Variants in KCNQ1OT1 observed in about 807,000 individuals in gnomAD.
KCNQ1OT1 encodes the protein KCNQ1 opposite strand/antisense transcript 1.
Position 2,687,650 on chromosome 11 carries a change from C to T in KCNQ1OT1, n.12345G>A. 2.5e-6 allele frequency: 1 copy of T among 398,652 alleles called. No homozygotes were observed. The highest frequency in any genetic ancestry group is 4.4e-6 in the Non-Finnish European group (1 of 226,126). The allele number at this position is 398,652 out of a possible 1,614,324, so 24.7% of individuals were successfully genotyped here. A position where few individuals can be genotyped will look rare whatever the true frequency, so the allele number is the denominator to read the frequency against. ...TCTCAGGCCCCTGTAAAAATTGGGA[C>T]CTGTCCTTGCCAGCCAGGTCTCAGG... On this transcript the variant is annotated non_coding_transcript_exon_variant, in exon 1 of 1. Transcript: ENST00000597346. This position sits in a 1 kb window ranked among gnomAD's most constrained non-coding sequence, Gnocchi z 5.0.
At chr11:2,630,703 A>G in exon 1 of KCNQ1OT1, 1 of 398,400 alleles carries the variant, frequency 2.5e-6, no homozygotes, top group South Asian at 1.3e-4. Flanking sequence ...TTTTCATGTT[A>G]CTAATTATCA....
chr11:2,667,744 G>A lies in KCNQ1OT1; in HGVS notation n.32251C>T, dbSNP rs760283571. 1.0e-5 allele frequency: 4 copies of A among 398,640 alleles called. No homozygotes were observed. The East Asian group carries it at 1.1e-4, about 11-fold the overall frequency. 24.7% of individuals were successfully genotyped at this position (398,640 alleles called of 1,614,324 possible). On this transcript the variant is annotated non_coding_transcript_exon_variant, in exon 1 of 1. Coordinates refer to ENST00000597346, the Ensembl canonical transcript of KCNQ1OT1. ...GTCCCCTTAAGTGAGGGAGTGGGAT[G>A]GGGCTGGGCCTAGCGGCCCTGAAGG...
exon 1 of KCNQ1OT1, chr11:2,641,277 CA>C (rs1331736933): frequency 2.5e-6 from 1 of 398,326 alleles, no homozygotes; most frequent in East Asian, 3.6e-5. Flanking sequence ...TTCCCACCAA[CA>C]GTGTATAAGA....
chr11:2,644,262 T>C (rs1191615793), exon 1 of KCNQ1OT1: 2 of 398,418 alleles, frequency 5.0e-6, no homozygotes, highest in South Asian at 2.5e-4. Flanking sequence ...ACATAGCCTT[T>C]GTTCATTCTT....
exon 1 of KCNQ1OT1, chr11:2,684,055 T>C (rs949038502): frequency 1.3e-5 from 5 of 398,430 alleles, no homozygotes; most frequent in East Asian, 3.6e-5. Context: ...TATCAAGACA[T>C]TGTTTAGAGT....
chr11:2,678,413 C>G lies in KCNQ1OT1; in HGVS notation n.21582G>C, dbSNP rs938915543. The G allele has an allele frequency of 5.0e-6, 2 of 398,456 alleles. No homozygotes were observed. The highest frequency in any genetic ancestry group is 4.1e-5 in the African/African-American group (2 of 48,620). 24.7% of individuals were successfully genotyped at this position (398,456 alleles called of 1,614,324 possible). On this transcript the variant is annotated non_coding_transcript_exon_variant, in exon 1 of 1. Coordinates refer to ENST00000597346, the Ensembl canonical transcript of KCNQ1OT1. The surrounding 1 kb of genome is among the most constrained non-coding windows in gnomAD (Gnocchi z 4.9). ...CATATATTTGTCCAGTTGTCCAACA[C>G]TATTTATTTGAGTACATCATCATCT... is the stretch of plus-strand genomic sequence containing the variant.
exon 1 of KCNQ1OT1, chr11:2,655,414 T>G: frequency 2.5e-6 from 1 of 398,632 alleles, no homozygotes; most frequent in Non-Finnish European, 4.4e-6. Flanking sequence ...GTGCTCTTTG[T>G]CCCCAGGGCC....
Position 2,611,297 on chromosome 11 carries a change from G to T in KCNQ1OT1, n.88698C>A. The T allele has an allele frequency of 2.5e-6, 1 of 397,338 alleles. No homozygotes were observed. The highest frequency in any genetic ancestry group is 4.4e-6 in the Non-Finnish European group (1 of 225,858). 24.6% of individuals were successfully genotyped at this position (397,338 alleles called of 1,614,324 possible). A position where few individuals can be genotyped will look rare whatever the true frequency, so the allele number is the denominator to read the frequency against. On this transcript the variant is annotated non_coding_transcript_exon_variant, in exon 1 of 1. Transcript: ENST00000597346. This position sits in a 1 kb window ranked among gnomAD's most constrained non-coding sequence, Gnocchi z 5.3. ...TGCAGTGGCGTGACCTTGGCTCACT[G>T]CAACCTCTGCCTCCCGGATTCAAGC...
rs926251336 is a variant in KCNQ1OT1, at chr11:2,608,644, T to A, written n.91351A>T. On this transcript the variant is annotated non_coding_transcript_exon_variant, in exon 1 of 1. Transcript: ENST00000597346. The surrounding 1 kb of genome is among the most constrained non-coding windows in gnomAD (Gnocchi z 4.6). ...ACCAGCTGTTATTCAAAAAATATTT[T>A]GTAGAGATAGGGTCTTGCTTTGTTG... 2 of 398,446 alleles carry A rather than the reference T, an allele frequency of 5.0e-6. No homozygotes were observed. The highest frequency in any genetic ancestry group is 4.1e-5 in the African/African-American group (2 of 48,598). The allele number at this position is 398,446 out of a possible 1,614,324, so 24.7% of individuals were successfully genotyped here. A position where few individuals can be genotyped will look rare whatever the true frequency, so the allele number is the denominator to read the frequency against.
In KCNQ1OT1 at chr11:2,613,312, C is replaced by G; in HGVS notation, n.86683G>C. On this transcript the variant is annotated non_coding_transcript_exon_variant, in exon 1 of 1. Transcript: ENST00000597346. The surrounding 1 kb of genome is among the most constrained non-coding windows in gnomAD (Gnocchi z 4.8). The stretch of plus-strand genomic sequence containing the variant: ...TACAACTTCCATATCTCCAGAATTC[C>G]TTTTAAAATTTTTCTTAATCTGTCG... The G allele has an allele frequency of 2.5e-6, 1 of 398,502 alleles. No homozygotes were observed. Among genetic ancestry groups the G allele is most frequent in the Non-Finnish European group, 4.4e-6 (1 of 226,046 alleles). The allele number at this position is 398,502 out of a possible 1,614,324, so 24.7% of individuals were successfully genotyped here.
exon 1 of KCNQ1OT1, chr11:2,643,044 T>C: frequency 2.5e-6 from 1 of 397,890 alleles, no homozygotes; most frequent in Non-Finnish European, 4.4e-6. Flanking sequence ...CAATTTAAAA[T>C]ATATATATAT....
At chr11:2,666,784 T>A (rs1850078786) in exon 1 of KCNQ1OT1, 2 of 398,742 alleles carry the variant, frequency 5.0e-6, no homozygotes, top group East Asian at 3.6e-5. Flanking sequence ...CTCACCATAT[T>A]TCTCTCCCTG....
exon 1 of KCNQ1OT1, chr11:2,634,321 C>G: frequency 4.2e-6 from 1 of 240,740 alleles, no homozygotes; most frequent in Non-Finnish European, 7.5e-6. Context: ...CCTCCCCCCT[C>G]CCCCCTCCCC....
chr11:2,615,930 G>A, exon 1 of KCNQ1OT1: 1 of 397,998 alleles, frequency 2.5e-6, no homozygotes, highest in Non-Finnish European at 4.4e-6. Flanking sequence ...AGTTTGAGAG[G>A]GATTGGTGTG....
At chr11:2,609,868 T>A (rs1437664660) in exon 1 of KCNQ1OT1, 4 of 398,036 alleles carry the variant, frequency 1.0e-5, no homozygotes, top group Non-Finnish European at 1.8e-5. Flanking sequence ...ACATGATATA[T>A]CTTTTTCCAT....
chr11:2,690,305 T>C lies in KCNQ1OT1; in HGVS notation n.9690A>G, dbSNP rs935418723. On this transcript the variant is annotated non_coding_transcript_exon_variant, in exon 1 of 1. Transcript: ENST00000597346. This position sits in a 1 kb window ranked among gnomAD's most constrained non-coding sequence, Gnocchi z 5.1. ...TGTAGTGTCTTCCTCCCTGTAGGAT[T>C]GTCACAAGGATTAAATGATGTCAAG... 16 of 398,568 alleles carry C rather than the reference T, an allele frequency of 4.0e-5. No homozygotes were observed. The highest frequency in any genetic ancestry group is 3.3e-4 in the African/African-American group (16 of 48,638). 24.7% of individuals were successfully genotyped at this position (398,568 alleles called of 1,614,324 possible). A position where few individuals can be genotyped will look rare whatever the true frequency, so the allele number is the denominator to read the frequency against.
In KCNQ1OT1 at chr11:2,629,411, A is replaced by G. The variant is rs146522297; in HGVS notation, n.70584T>C. 2.7e-3 allele frequency: 1,062 copies of G among 398,440 alleles called. 4 individuals are homozygous for G. Among genetic ancestry groups the G allele is most frequent in the African/African-American group, 0.018 (870 of 48,724 alleles). The allele number at this position is 398,440 out of a possible 1,614,324, so 24.7% of individuals were successfully genotyped here. A position where few individuals can be genotyped will look rare whatever the true frequency, so the allele number is the denominator to read the frequency against. ...CCAAATGAAGTCAATACCAAATCCA[A>G]TGTCATGCAGTTTTTGCCCCATGTT... On this transcript the variant is annotated non_coding_transcript_exon_variant, in exon 1 of 1. Transcript: ENST00000597346.
chr11:2,677,530 G>C lies in KCNQ1OT1; in HGVS notation n.22465C>G, dbSNP rs1355666623. The C allele has an allele frequency of 2.5e-6, 1 of 398,522 alleles. No homozygotes were observed. Among genetic ancestry groups the C allele is most frequent in the Admixed American group, 4.4e-5 (1 of 22,718 alleles). 24.7% of individuals were successfully genotyped at this position (398,522 alleles called of 1,614,324 possible). A position where few individuals can be genotyped will look rare whatever the true frequency, so the allele number is the denominator to read the frequency against. Reference sequence around the variant, plus strand: ...TGTGGAAGTGCTGCCAACATCCTCTGCCAAGTATAAAAGATGCCCTCAGAT... The same window carrying C: ...TGTGGAAGTGCTGCCAACATCCTCTCCCAAGTATAAAAGATGCCCTCAGAT... On this transcript the variant is annotated non_coding_transcript_exon_variant, in exon 1 of 1. Coordinates refer to ENST00000597346, the Ensembl canonical transcript of KCNQ1OT1. This position sits in a 1 kb window ranked among gnomAD's most constrained non-coding sequence, Gnocchi z 4.5.
At chr11:2,656,209 TG>T (rs1849845666) in exon 1 of KCNQ1OT1, 3 of 398,366 alleles carry the variant, frequency 7.5e-6, no homozygotes, top group African/African-American at 6.2e-5. Flanking sequence ...AATTGAATCC[TG>T]GATGAAGTTT....
Sources: gnomAD v4.1 joint callset for allele counts on GRCh38, gnomAD v4.1.1 for gene constraint, Gnocchi (gnomAD v3.1) non-coding constraint, MANE v1.5 for transcripts, NCBI Gene and HGNC (gene_info 2026-07-23, HGNC 2026-07-21) for gene names.